CEP63: variants seen among roughly 807,000 people sequenced by gnomAD.
CEP63 encodes the protein centrosomal protein 63.
Under a neutral mutation model 89.1 loss-of-function variants are expected in CEP63, and 84 were observed. The ratio of observed to expected loss-of-function variants is 0.94; its 90% confidence interval spans 0.79 to 1.13. The LOEUF (loss-of-function observed/expected upper bound fraction) is 1.13, where lower values mean the gene tolerates loss of function less well. Among genes scored for constraint, CEP63 ranks in the 50% most tolerant of loss-of-function variants. CEP63 has a pLI of 0.00. For missense variants in CEP63, 838 were observed against 813.3 expected, an observed-to-expected ratio of 1.03 and a Z score of -0.37; for synonymous variants, 267 against 272.5, an observed-to-expected ratio of 0.98 and a Z score of 0.20.
chr3:134,546,278 GA>G lies in CEP63; in HGVS notation c.921del (p.Ala308LeufsTer2). 1 of 1,613,370 alleles carries G rather than the reference GA, an allele frequency of 6.2e-7. No homozygotes were observed. The highest frequency in any genetic ancestry group is 8.5e-7 in the Non-Finnish European group (1 of 1,179,432). ...GGCAACTAACACTCAACATGCTGTA[GA>G]AGCTATAAGGTAAATTTAATCTTAA... ...VKATNTQHAV[E>X]AIRPREESLA... On this transcript the variant is annotated frameshift_variant, in exon 8 of 15. Coordinates refer to ENST00000675561, the MANE Select transcript of CEP63 (RefSeq NM_001353108.3). LOFTEE classifies it high-confidence loss of function.
the CEP63 span, among the ~76,000 whole-genome samples, chr3:134,749,761 G>A: frequency 7.6e-6 from 1 of 131,226 alleles, no homozygotes; most frequent in Admixed American, 8.4e-5. Flanking sequence ...AAGGTAAAGT[G>A]GGATGATAAA....
downstream of CEP63, among the ~76,000 whole-genome samples, chr3:134,592,335 T>C (rs1958613717): frequency 6.6e-6 from 1 of 152,252 alleles, no homozygotes; most frequent in African/African-American, 2.4e-5. Flanking sequence ...TGCGACATTC[T>C]ATTTGTCAGA....
At chr3:134,654,997 G>A in the CEP63 span, among the ~76,000 whole-genome samples, 1 of 152,320 alleles carries the variant, frequency 6.6e-6, no homozygotes, top group East Asian at 1.9e-4. Flanking sequence ...AGTTATGCCA[G>A]GCAAACCTGT....
At chr3:134,643,452 T>C in the CEP63 span, 1 of 1,340,398 alleles carries the variant, frequency 7.5e-7, no homozygotes, top group Non-Finnish European at 1.1e-6. Flanking sequence ...GAGCTGTATG[T>C]GTTTGCGGGA....
At chr3:134,755,832 A>G in the CEP63 span, 3 of 152,290 alleles carry the variant, frequency 2.0e-5, no homozygotes, top group Non-Finnish European at 4.4e-5. Context: ...GTTTTCCAAA[A>G]GCAATGCTTA....
At chr3:134,628,122 A>C in the CEP63 span, 1 of 393,366 alleles carries the variant, frequency 2.5e-6, no homozygotes, top group Non-Finnish European at 4.7e-6. Flanking sequence ...TCCTCCTGGA[A>C]CCTGGTGTTC....
chr3:134,582,663 G>A (rs1162514591), intron 10 of CEP63, among the ~76,000 whole-genome samples: 1 of 152,144 alleles, frequency 6.6e-6, no homozygotes, highest in Non-Finnish European at 1.5e-5. Flanking sequence ...CTTTATAGTA[G>A]CATGATTTAT....
intron 3 of CEP63, among the ~76,000 whole-genome samples, chr3:134,519,869 G>A (rs1054473999): frequency 1.1e-4 from 16 of 152,182 alleles, no homozygotes; most frequent in African/African-American, 3.9e-4. Context: ...ATGAAATTCA[G>A]TTATCCATTT....
chr3:134,721,355 A>T, the CEP63 span, among the ~76,000 whole-genome samples: 2 of 152,056 alleles, frequency 1.3e-5, no homozygotes, highest in Non-Finnish European at 2.9e-5. Context: ...CTCGTTTATT[A>T]GTTCCAGTTG....
chr3:134,770,389 A>T, the CEP63 span, among the ~76,000 whole-genome samples: 1 of 152,344 alleles, frequency 6.6e-6, no homozygotes, highest in Non-Finnish European at 1.5e-5. Context: ...AGAAGTCTTG[A>T]GGTTGTTAAG....
At chr3:134,663,242 C>T in the CEP63 span, among the ~76,000 whole-genome samples, 4 of 152,342 alleles carry the variant, frequency 2.6e-5, no homozygotes, top group East Asian at 7.7e-4. Flanking sequence ...ACCAAACTGT[C>T]CCCTGACTGT....
intron 1 of CEP63, chr3:134,486,459 G>A (rs1380786464): frequency 8.0e-5 from 79 of 985,610 alleles, no homozygotes; most frequent in Non-Finnish European, 9.5e-5. Context: ...CACTGGCGGA[G>A]TCTGGCGTGG....
In CEP63 at chr3:134,561,389, G is replaced by T; in HGVS notation, c.1966G>T (p.Val656Leu). The T allele has an allele frequency of 6.2e-7, 1 of 1,613,882 alleles. No individual in the cohort carries two copies. Among genetic ancestry groups the T allele is most frequent in the African/African-American group, 1.3e-5 (1 of 75,020 alleles). ...EEFISSCSLP[V>L]SPLGSIATRF... ...GTGTCTCTTCCAGTGTTCCTTGCCT[G>T]TATCTCCCCTTGGTTCAATAGCTAC... The change falls in exon 15 of 15, where the codon GTA (valine) becomes TTA (leucine). Residue 656 changes from valine to leucine, a missense_variant. By Grantham distance (32) the Val-to-Leu change is conservative. Transcript: ENST00000675561.
chr3:134,669,532 C>G, the CEP63 span, among the ~76,000 whole-genome samples: 2 of 152,092 alleles, frequency 1.3e-5, no homozygotes, highest in Non-Finnish European at 2.9e-5. Flanking sequence ...CCAGGCTGCC[C>G]CAGGTACTAT....
the CEP63 span, among the ~76,000 whole-genome samples, chr3:134,762,106 T>C: frequency 6.6e-6 from 1 of 152,142 alleles, no homozygotes; most frequent in Non-Finnish European, 1.5e-5. Context: ...GACACATCAA[T>C]GCCAGCACAG....
intron 1 of CEP63, among the ~76,000 whole-genome samples, chr3:134,489,528 G>A (rs1461429407): frequency 6.6e-6 from 1 of 152,106 alleles, no homozygotes; most frequent in African/African-American, 2.4e-5. Context: ...TCCACCCATA[G>A]TGAAATTCCC....
chr3:134,610,654 T>C, the CEP63 span: 2 of 392,744 alleles, frequency 5.1e-6, no homozygotes, highest in African/African-American at 2.1e-5. Context: ...ACCATTCAGA[T>C]CACTTCTGAA....
At chr3:134,640,183 C>T in the CEP63 span, among the ~76,000 whole-genome samples, 2 of 144,816 alleles carry the variant, frequency 1.4e-5, no homozygotes, top group Non-Finnish European at 3.0e-5. Flanking sequence ...GCAATGAGTT[C>T]AGACTGAAAT....
At chr3:134,550,601 C>T (rs1462204569) in intron 11 of CEP63, among the ~76,000 whole-genome samples, 3 of 152,062 alleles carry the variant, frequency 2.0e-5, no homozygotes, top group Non-Finnish European at 2.9e-5. Context: ...GTTTCAGGCA[C>T]AGGAAAATAC....
Sources: gnomAD v4.1 joint callset for allele counts (sites outside exome capture counted in the v4.1 genomes callset) on GRCh38, gnomAD v4.1.1 for gene constraint, MANE v1.5 for transcripts, NCBI Gene and HGNC (gene_info 2026-07-23, HGNC 2026-07-21) for gene names.